The following MRPS33 variants were observed in gnomAD, a reference collection of about 807,000 sequenced individuals.
MRPS33 encodes small ribosomal subunit protein mS33.
A neutral mutation model predicts 11.2 loss-of-function variants in MRPS33; 11 were observed. The ratio of observed to expected loss-of-function variants is 0.99; its 90% CI spans 0.62 to 1.63. The LOEUF is 1.63. Ranked by LOEUF, MRPS33 falls within the 40% of genes most tolerant of loss-of-function variation. The pLI is 0.00. For synonymous variants in MRPS33, 46 were observed against 44.0 expected, an observed-to-expected ratio of 1.05 and a Z score of -0.18; for missense variants, 109 against 127.8, an observed-to-expected ratio of 0.85 and a Z score of 0.71.
At chr7:141,008,180 G>A (rs1820581193) in intron 2 of MRPS33, among the ~76,000 whole-genome samples, 1 of 152,156 alleles carries the variant, frequency 6.6e-6, no homozygotes, top group Non-Finnish European at 1.5e-5. Context: ...CATACCTAGT[G>A]ACTACGTGAA....
In MRPS33 at chr7:141,004,476, G is replaced by GA. The variant is rs1217587007; in HGVS notation, c.*1953dup. ...GCATTCATTTAAACATATGTACTGG[G>GA]AATCTTTCTACTTCAGGAATCATTG... is the stretch of plus-strand genomic sequence containing the variant. On this transcript the variant is annotated 3_prime_UTR_variant, in exon 3 of 3. Transcript: ENST00000324787. 6.6e-6 allele frequency: 1 copy of GA among 152,086 alleles called. No individual in the cohort carries two copies. The highest frequency in any genetic ancestry group is 1.5e-5 in the Non-Finnish European group (1 of 68,028). 9.4% of individuals were successfully genotyped at this position (152,086 alleles called of 1,614,324 possible).
At chr7:141,009,851 T>G (rs1302123001) in intron 2 of MRPS33, 1 of 151,776 alleles carries the variant, frequency 6.6e-6, no homozygotes, top group African/African-American at 2.4e-5. Context: ...GTTGCCAGGC[T>G]GGAGTGCAGT....
intron 2 of MRPS33, 84 bp downstream of exon 2, chr7:141,010,335 C>T: frequency 1.5e-6 from 2 of 1,350,378 alleles, no homozygotes; most frequent in East Asian, 2.3e-5. Flanking sequence ...AACAAAACTA[C>T]AAGGATAGAA....
At position 141,013,679 on chromosome 7, in the gene MRPS33, T is replaced by C. The variant is rs570745905; in HGVS notation, c.-28+1232A>G. On this transcript the variant is annotated intron_variant, in intron 1 of 2. Transcript: ENST00000324787. The stretch of plus-strand genomic sequence containing the variant: ...TTTAAATGTGAACTAAAGAAAACTG[T>C]ACTCTCATGAAAAAAGTTAACTGGA... Among the ~76,000 whole-genome samples the C allele has an allele frequency of 2.0e-5, 3 of 152,336 alleles. No homozygotes were observed. The South Asian group carries it at 6.2e-4, about 32-fold the overall frequency.
chr7:141,007,438 G>A (rs1229412199), intron 2 of MRPS33, among the ~76,000 whole-genome samples: 2 of 152,126 alleles, frequency 1.3e-5, no homozygotes, highest in Admixed American at 1.3e-4. Context: ...TGGGATTAGT[G>A]GTGAGTGTCC....
At chr7:141,008,186 G>A (rs555844651) in intron 2 of MRPS33, among the ~76,000 whole-genome samples, 68 of 152,234 alleles carry the variant, frequency 4.5e-4, no homozygotes, top group Non-Finnish European at 9.0e-4. Context: ...TAGTGACTAC[G>A]TGAAAATAAT....
In MRPS33 at chr7:141,009,436, C is replaced by CT. The variant is rs61410427; in HGVS notation, c.215+982dup. On this transcript the variant is annotated intron_variant, in intron 2 of 2. Transcript: ENST00000324787. ...CCTGAGCCATTGTGCCTGGCCTGATCTTTTTTTTTTTTTCAGAGATGCACA... is the reference window on the plus strand; with the variant it reads ...CCTGAGCCATTGTGCCTGGCCTGATCTTTTTTTTTTTTTTCAGAGATGCACA... 1.0e-3 allele frequency among the ~76,000 whole-genome samples: 154 copies of CT among 150,062 alleles called. No homozygotes were observed. In the South Asian group the frequency reaches 0.014, roughly 13 times the overall value.
intron 2 of MRPS33, among the ~76,000 whole-genome samples, chr7:141,009,478 C>T (rs1242415047): frequency 2.6e-5 from 4 of 152,038 alleles, no homozygotes; most frequent in Non-Finnish European, 4.4e-5. Flanking sequence ...TAAGCACCTA[C>T]TCCCTAGACA....
At position 141,003,028 on chromosome 7, in the gene MRPS33, G is replaced by C. The variant is rs1409963575; in HGVS notation, c.*3402C>G. 7 of 152,208 alleles carry C rather than the reference G, an allele frequency of 4.6e-5. No individual in the cohort carries two copies. The highest frequency in any genetic ancestry group is 7.2e-5 in the African/African-American group (3 of 41,428). 9.4% of individuals were successfully genotyped at this position (152,208 alleles called of 1,614,324 possible). A position where few individuals can be genotyped will look rare whatever the true frequency, so the allele number is the denominator to read the frequency against. ...TTATGATTTTATAGAGAAGGAAAGA[G>C]GTTCAGAGAAGTAACTGACGTCACA... On this transcript the variant is annotated 3_prime_UTR_variant, in exon 3 of 3. Coordinates refer to ENST00000324787, the MANE Select transcript of MRPS33 (RefSeq NM_053035.3).
At chr7:141,009,705 G>A (rs370608422) in intron 2 of MRPS33, 3 of 152,040 alleles carry the variant, frequency 2.0e-5, no homozygotes, top group Non-Finnish European at 4.4e-5. Context: ...TGTCGGTCAG[G>A]GACTCTGTTC....
chr7:141,010,340 A>G (rs1820643614), intron 2 of MRPS33, 79 bp downstream of exon 2: 1 of 1,403,066 alleles, frequency 7.1e-7, no homozygotes, highest in Admixed American at 1.9e-5. Context: ...AACTACAAGG[A>G]TAGAAAGGCT....
At position 141,006,096 on chromosome 7, in the gene MRPS33, G is replaced by A. The variant is rs74959391; in HGVS notation, c.*334C>T. 880 of 300,660 alleles carry A rather than the reference G, an allele frequency of 2.9e-3. 8 individuals carry two copies. Among genetic ancestry groups the A allele is most frequent in the African/African-American group, 0.018 (812 of 45,698 alleles). The allele number at this position is 300,660 out of a possible 1,614,324, so 18.6% of individuals were successfully genotyped here. A position where few individuals can be genotyped will look rare whatever the true frequency, so the allele number is the denominator to read the frequency against. ...AGAAGGGAGAAATGAGGACACTATA[G>A]GATGCTCACTTAATGAGGTTTCCCC... On this transcript the variant is annotated 3_prime_UTR_variant, in exon 3 of 3. Coordinates refer to ENST00000324787, the MANE Select transcript of MRPS33 (RefSeq NM_053035.3).
chr7:141,013,065 A>G lies in MRPS33; in HGVS notation c.-28+1846T>C, dbSNP rs576331908. 4.1e-3 allele frequency among the ~76,000 whole-genome samples: 623 copies of G among 152,222 alleles called. 6 individuals are homozygous for G. The highest frequency in any genetic ancestry group is 0.015 in the African/African-American group (608 of 41,524). On this transcript the variant is annotated intron_variant, in intron 1 of 2. Coordinates refer to ENST00000324787, the MANE Select transcript of MRPS33 (RefSeq NM_053035.3). ...CTTGTTCTTAATCATGTTTAAGAAA[A>G]AAAAAAAAAGAGAGAGAGACAGACA... is the stretch of plus-strand genomic sequence containing the variant.
rs763939537 is a variant in MRPS33, at chr7:141,007,621, C to T, written c.216-1086G>A. Among the ~76,000 whole-genome samples, 90 of 152,202 alleles carry T rather than the reference C, an allele frequency of 5.9e-4. 1 individual carries two copies. Among genetic ancestry groups the T allele is most frequent in the Non-Finnish European group, 2.4e-4 (16 of 68,024 alleles). On this transcript the variant is annotated intron_variant, in intron 2 of 2. Coordinates refer to ENST00000324787, the MANE Select transcript of MRPS33 (RefSeq NM_053035.3). ...ATCCGTCTCCAGTCCCACACCCTCC[C>T]GGTACCTGCACGCCTCCTGGAAAGG...
In MRPS33 at chr7:141,004,987, TCCACCCGCCTCGACCTC is replaced by T. The variant is rs1820489518; in HGVS notation, c.*1426_*1442del. 6.6e-6 allele frequency: 1 copy of T among 152,254 alleles called. No homozygotes were observed. The highest frequency in any genetic ancestry group is 2.4e-5 in the African/African-American group (1 of 41,442). 9.4% of individuals were successfully genotyped at this position (152,254 alleles called of 1,614,324 possible). ...TGGTCTCGATCCCCTGACCTCGTGATCCACCCGCCTCGACCTCCCAAAGTGCTGGGATTACAGGCGTG... is the reference window on the plus strand; with the variant it reads ...TGGTCTCGATCCCCTGACCTCGTGATCCAAAGTGCTGGGATTACAGGCGTG... On this transcript the variant is annotated 3_prime_UTR_variant, in exon 3 of 3. Coordinates refer to ENST00000324787, the MANE Select transcript of MRPS33 (RefSeq NM_053035.3).
intron 1 of MRPS33, 31 bp from the exon 2 acceptor site, chr7:141,010,691 T>G: frequency 6.6e-7 from 1 of 1,509,570 alleles, no homozygotes; most frequent in East Asian, 2.3e-5. Context: ...GTTAAACAGG[T>G]TAGGGTAAGA....
In MRPS33 at chr7:141,006,549, GA is replaced by G; in HGVS notation, c.216-15del. On this transcript the variant is annotated splice_polypyrimidine_tract_variant and intron_variant, in intron 2 of 2. Coordinates refer to ENST00000324787, the MANE Select transcript of MRPS33 (RefSeq NM_053035.3). ...TGATGCTCATCTCTGAATGAAGAAG[GA>G]AAAAATAATTAACCAGTTATTTTTA... 2 of 1,601,998 alleles carry G rather than the reference GA, an allele frequency of 1.2e-6. No individual in the cohort carries two copies. Among genetic ancestry groups the G allele is most frequent in the South Asian group, 2.2e-5 (2 of 90,564 alleles).
intron 1 of MRPS33, 142 bp from the exon 2 acceptor site, chr7:141,010,802 T>A: frequency 1.5e-6 from 1 of 655,508 alleles, no homozygotes; most frequent in Non-Finnish European, 2.6e-6. Flanking sequence ...AGTGGAGAAG[T>A]ATCCACAGTC....
At chr7:141,010,177 C>T in intron 2 of MRPS33, 1 of 484,106 alleles carries the variant, frequency 2.1e-6, no homozygotes, top group Non-Finnish European at 3.7e-6. Flanking sequence ...ATCTATTCAA[C>T]ATTAGTCATG....
Sources: gnomAD v4.1 joint callset for allele counts (sites outside exome capture counted in the v4.1 genomes callset) on GRCh38, gnomAD v4.1.1 for gene constraint, MANE v1.5 for transcripts, NCBI Gene and HGNC (gene_info 2026-07-23, HGNC 2026-07-21) for gene names.